Variants in ZNF462 observed in about 807,000 individuals in gnomAD.
ZNF462 encodes zinc finger protein 462.
Under a neutral mutation model 201.9 loss-of-function variants are expected in ZNF462, and 10 were observed. That is an observed-to-expected ratio of 0.05 (90% CI 0.03 to 0.08). The LOEUF (loss-of-function observed/expected upper bound fraction) is 0.08, where lower values mean the gene tolerates loss of function less well. ZNF462 is among the 10% of genes least tolerant of loss of function. The pLI is 1.00. For synonymous variants in ZNF462, 1,227 were observed against 1,193.3 expected (o/e 1.03, Z -0.58); for missense variants, 2,523 against 3,168.3 (o/e 0.80, Z 4.89).
chr9:107,001,381 C>A lies in ZNF462; in HGVS notation c.7057-1913C>A, dbSNP rs182275845. ...GCCAAAACTAGAAAAGGCTCACATTCCCAGAAAGGGGAAGGAAATTACATT... is the reference window on the plus strand; with the variant it reads ...GCCAAAACTAGAAAAGGCTCACATTACCAGAAAGGGGAAGGAAATTACATT... On this transcript the variant is annotated intron_variant, in intron 10 of 12. Transcript: ENST00000277225. Among the ~76,000 whole-genome samples the A allele has an allele frequency of 9.2e-5, 14 of 152,238 alleles. No homozygotes were observed. In the East Asian group the frequency reaches 2.7e-3, roughly 29 times the overall value.
intron 9 of ZNF462, chr9:106,976,679 GATTAATAGTAATAATAACA>G (rs1390740917): frequency 6.6e-6 from 1 of 152,136 alleles, no homozygotes; most frequent in African/African-American, 2.4e-5. Context: ...AGCATTTGAG[GATTAATAGTAATAATAACA>G]ACATTAACAA....
chr9:106,931,452 G>C (rs1196712899), intron 4 of ZNF462, among the ~76,000 whole-genome samples: 1 of 152,190 alleles, frequency 6.6e-6, no homozygotes, highest in East Asian at 1.9e-4. Context: ...ACATATTTTT[G>C]TCATCTGCCC....
chr9:106,862,246 T>C (rs1418474677), upstream of ZNF462, among the ~76,000 whole-genome samples: 2 of 152,222 alleles, frequency 1.3e-5, no homozygotes, highest in Non-Finnish European at 2.9e-5. The surrounding 1 kb of genome is among the most constrained non-coding windows in gnomAD (Gnocchi z 4.2). Context: ...TCTGGGTTTA[T>C]ACTTGCAACC....
chr9:106,941,267 G>A (rs544916566), intron 7 of ZNF462, among the ~76,000 whole-genome samples: 1 of 152,194 alleles, frequency 6.6e-6, no homozygotes, highest in African/African-American at 2.4e-5. Context: ...GTATTTTTCT[G>A]GCCCTCCGAC....
At position 106,966,108 on chromosome 9, in the gene ZNF462, A is replaced by G. The variant is rs1424232539; in HGVS notation, c.6428-5897A>G. ...GATAATATTCTGTTTCTAATGGCCC[A>G]TGCTACCAACCATTAGTTGCTAAAT... On this transcript the variant is annotated intron_variant, in intron 7 of 12. Transcript: ENST00000277225. The surrounding 1 kb of genome is among the most constrained non-coding windows in gnomAD (Gnocchi z 4.4). Among the ~76,000 whole-genome samples, 1 of 152,096 alleles carries G rather than the reference A, an allele frequency of 6.6e-6. No individual in the cohort carries two copies. The highest frequency in any genetic ancestry group is 6.6e-5 in the Admixed American group (1 of 15,258).
At position 106,872,289 on chromosome 9, in the gene ZNF462, A is replaced by C. The variant is rs1049239657; in HGVS notation, c.-31+8934A>C. On this transcript the variant is annotated intron_variant, in intron 1 of 12. Coordinates refer to ENST00000277225, the MANE Select transcript of ZNF462 (RefSeq NM_021224.6). This position sits in a 1 kb window ranked among gnomAD's most constrained non-coding sequence, Gnocchi z 4.5. ...TTTCTCTTCAGTGGTTTCTATCTTA[A>C]ATAGTCTTCTCTGAAGACTAATTAG... is the stretch of plus-strand genomic sequence containing the variant. Among the ~76,000 whole-genome samples the C allele has an allele frequency of 2.0e-5, 3 of 152,226 alleles. No individual in the cohort carries two copies. Among genetic ancestry groups the C allele is most frequent in the Non-Finnish European group, 4.4e-5 (3 of 68,040 alleles).
At position 106,944,411 on chromosome 9, in the gene ZNF462, T is replaced by C. The variant is rs182383718; in HGVS notation, c.6427+5304T>C. On this transcript the variant is annotated intron_variant, in intron 7 of 12. Transcript: ENST00000277225. ...ACTCAGTTTTTCTAAACATTAGAGA[T>C]TGGCAAACTTTTTCCTTTAAAAAAA... Among the ~76,000 whole-genome samples, 525 of 152,278 alleles carry C rather than the reference T, an allele frequency of 3.4e-3. 6 individuals carry two copies. The highest frequency in any genetic ancestry group is 0.012 in the African/African-American group (511 of 41,564).
intron 7 of ZNF462, among the ~76,000 whole-genome samples, chr9:106,953,550 G>A (rs956163745): frequency 3.9e-5 from 6 of 152,056 alleles, no homozygotes; most frequent in African/African-American, 1.4e-4. Context: ...CTCTCCTCCA[G>A]CCTCTCTGAT....
intron 1 of ZNF462, among the ~76,000 whole-genome samples, chr9:106,900,532 C>T (rs969596628): frequency 3.9e-5 from 6 of 152,164 alleles, no homozygotes; most frequent in African/African-American, 1.4e-4. Flanking sequence ...CTCTGTTCAC[C>T]GCATCCATGC....
chr9:106,860,673 TTTA>T (rs1026262908), upstream of ZNF462, among the ~76,000 whole-genome samples: 4 of 152,204 alleles, frequency 2.6e-5, no homozygotes, highest in African/African-American at 9.7e-5. This position sits in a 1 kb window ranked among gnomAD's most constrained non-coding sequence, Gnocchi z 7.1. Flanking sequence ...AAGTCAGCTT[TTTA>T]TTAAAGACAA....
intron 1 of ZNF462, among the ~76,000 whole-genome samples, chr9:106,877,296 ATT>A (rs397893311): frequency 0.022 from 1,995 of 91,184 alleles, 49 homozygotes; most frequent in African/African-American, 0.069. Flanking sequence ...ACTACTCATG[ATT>A]TTTTTTTTTT....
intron 1 of ZNF462, among the ~76,000 whole-genome samples, chr9:106,892,759 A>G (rs1421825463): frequency 6.6e-6 from 1 of 152,118 alleles, no homozygotes; most frequent in Non-Finnish European, 1.5e-5. Flanking sequence ...TTTAGTCTGC[A>G]AAGAAATAGG....
chr9:106,909,950 T>C (rs1488319758), intron 1 of ZNF462, among the ~76,000 whole-genome samples: 5 of 152,234 alleles, frequency 3.3e-5, no homozygotes, highest in Non-Finnish European at 7.3e-5. Context: ...TGTCTACTTC[T>C]ACGAAACCTT....
In ZNF462 at chr9:106,927,833, G is replaced by A; in HGVS notation, c.3921G>A (p.Leu1307=). ...TGCGATGGGCATTTCTAGATGGCTTGATAGAAGCTGGCTACCACTGCGAGT... is the reference window on the plus strand; with the variant it reads ...TGCGATGGGCATTTCTAGATGGCTTAATAGAAGCTGGCTACCACTGCGAGT... ...SIMRWAFLDG[L]IEAGYHCEWC... The change falls in exon 3 of 13, where the codon TTG becomes TTA. Residue 1307 remains leucine, a synonymous_variant. Coordinates refer to ENST00000277225, the MANE Select transcript of ZNF462 (RefSeq NM_021224.6). 6.2e-7 allele frequency: 1 copy of A among 1,614,182 alleles called. No homozygotes were observed. The highest frequency in any genetic ancestry group is 8.5e-7 in the Non-Finnish European group (1 of 1,180,040).
rs1417524880 is a variant in ZNF462 at position 106,917,107 on chromosome 9, T to G, written c.-30-6247T>G. Reference sequence around the variant, plus strand: ...GAATGCATGAATTCTCCAGAAGGTATGTAGTATCTCTTTCTGTATGAGACA... The same window carrying G: ...GAATGCATGAATTCTCCAGAAGGTAGGTAGTATCTCTTTCTGTATGAGACA... On this transcript the variant is annotated intron_variant, in intron 1 of 12. Transcript: ENST00000277225. The surrounding 1 kb of genome is among the most constrained non-coding windows in gnomAD (Gnocchi z 4.5). Among the ~76,000 whole-genome samples the G allele has an allele frequency of 6.6e-6, 1 of 152,254 alleles. No individual in the cohort carries two copies. The highest frequency in any genetic ancestry group is 1.5e-5 in the Non-Finnish European group (1 of 68,050).
rs1294997317 is a variant in ZNF462 at position 106,902,608 on chromosome 9, T to G, written c.-30-20746T>G. Among the ~76,000 whole-genome samples, 2 of 152,212 alleles carry G rather than the reference T, an allele frequency of 1.3e-5. No individual in the cohort carries two copies. The highest frequency in any genetic ancestry group is 4.8e-5 in the African/African-American group (2 of 41,470). The stretch of plus-strand genomic sequence containing the variant: ...ATCATTTCAATCTCACTGCTTGTTA[T>G]TGGTCTGTTCAGGGTACCTAATTCT... On this transcript the variant is annotated intron_variant, in intron 1 of 12. Coordinates refer to ENST00000277225, the MANE Select transcript of ZNF462 (RefSeq NM_021224.6). This position sits in a 1 kb window ranked among gnomAD's most constrained non-coding sequence, Gnocchi z 4.2.
intron 1 of ZNF462, among the ~76,000 whole-genome samples, chr9:106,897,428 CT>C (rs1429733971): frequency 6.6e-6 from 1 of 152,044 alleles, no homozygotes; most frequent in Non-Finnish European, 1.5e-5. Flanking sequence ...CACTGTTGAA[CT>C]TTTGCCATCA....
In ZNF462 at chr9:107,011,173, A is replaced by C. The variant is rs577423408; in HGVS notation, c.*143A>C. 6.2e-5 allele frequency: 44 copies of C among 704,164 alleles called. No individual in the cohort carries two copies. The highest frequency in any genetic ancestry group is 8.9e-5 in the Non-Finnish European group (38 of 428,104). The allele number at this position is 704,164 out of a possible 1,614,324, so 43.6% of individuals were successfully genotyped here. ...GGACTGAACAATCTATTTTCAAAGC[A>C]CTGGTACCTGTGTGAGTGAGTATGT... On this transcript the variant is annotated 3_prime_UTR_variant, in exon 13 of 13. Coordinates refer to ENST00000277225, the MANE Select transcript of ZNF462 (RefSeq NM_021224.6). This position sits in a 1 kb window ranked among gnomAD's most constrained non-coding sequence, Gnocchi z 5.6.
chr9:106,912,194 G>A lies in ZNF462; in HGVS notation c.-30-11160G>A, dbSNP rs184883839. On this transcript the variant is annotated intron_variant, in intron 1 of 12. Coordinates refer to ENST00000277225, the MANE Select transcript of ZNF462 (RefSeq NM_021224.6). The stretch of plus-strand genomic sequence containing the variant: ...CATTTTCCATAAGAAACAAGATGAT[G>A]TTTCTCGTGGGGTAGATTTGGCAGG... Among the ~76,000 whole-genome samples the A allele has an allele frequency of 3.9e-5, 6 of 152,272 alleles. No homozygotes were observed. The East Asian group carries it at 1.2e-3, about 29-fold the overall frequency.
Sources: gnomAD v4.1 joint callset for allele counts (sites outside exome capture counted in the v4.1 genomes callset) on GRCh38, gnomAD v4.1.1 for gene constraint, Gnocchi (gnomAD v3.1) non-coding constraint, MANE v1.5 for transcripts, NCBI Gene and HGNC (gene_info 2026-07-23, HGNC 2026-07-21) for gene names.